Variants in SNTG1 observed in about 807,000 individuals in gnomAD.
SNTG1 encodes the protein syntrophin gamma 1.
A neutral mutation model predicts 74.7 loss-of-function variants in SNTG1; 39 were observed. That is an observed-to-expected ratio of 0.52 (90% CI 0.40 to 0.68). The LOEUF (loss-of-function observed/expected upper bound fraction) is 0.68, where lower values mean the gene tolerates loss of function less well. Among genes scored for constraint, SNTG1 ranks in the 30% least tolerant of loss-of-function variants. SNTG1 has a pLI of 0.00. For synonymous variants in SNTG1, 254 were observed against 217.1 expected, an observed-to-expected ratio of 1.17 and a Z score of -1.49; for missense variants, 685 against 609.5, an observed-to-expected ratio of 1.12 and a Z score of -1.30.
intron 1 of SNTG1, among the ~76,000 whole-genome samples, chr8:49,985,724 G>A (rs1346296616): frequency 6.6e-6 from 1 of 152,088 alleles, no homozygotes; most frequent in Non-Finnish European, 1.5e-5. Context: ...AGAAGGGATG[G>A]TTTTCTTCAG....
intron 1 of SNTG1, among the ~76,000 whole-genome samples, chr8:50,165,922 G>C (rs981502431): frequency 1.3e-5 from 2 of 150,324 alleles, no homozygotes; most frequent in Admixed American, 6.7e-5. Flanking sequence ...CCAAAACAGA[G>C]ATATAGATCA....
At chr8:50,078,644 A>G (rs1415126544) in intron 1 of SNTG1, among the ~76,000 whole-genome samples, 1 of 152,116 alleles carries the variant, frequency 6.6e-6, no homozygotes, top group South Asian at 2.1e-4. Flanking sequence ...TGCTGCACTT[A>G]TCAATCTGTC....
At chr8:50,072,095 C>T (rs1240446968) in intron 1 of SNTG1, among the ~76,000 whole-genome samples, 1 of 152,082 alleles carries the variant, frequency 6.6e-6, no homozygotes, top group Non-Finnish European at 1.5e-5. Context: ...AATTAAATAG[C>T]AGATTACAAT....
At chr8:50,493,625 A>G (rs2131897703) in intron 8 of SNTG1, among the ~76,000 whole-genome samples, 1 of 152,136 alleles carries the variant, frequency 6.6e-6, no homozygotes, top group South Asian at 2.1e-4. Flanking sequence ...TTATAAATCT[A>G]CTGTACAAAT....
At chr8:49,960,003 A>G (rs573982576) in intron 1 of SNTG1, among the ~76,000 whole-genome samples, 1 of 152,330 alleles carries the variant, frequency 6.6e-6, no homozygotes, top group Admixed American at 6.5e-5. Flanking sequence ...AATTAGCGTC[A>G]ACAGTATAAC....
intron 1 of SNTG1, among the ~76,000 whole-genome samples, chr8:49,914,234 A>G (rs1204148424): frequency 6.6e-6 from 1 of 151,816 alleles, no homozygotes; most frequent in African/African-American, 2.4e-5. Flanking sequence ...AAGAAAAATC[A>G]ACATTTTATT....
At chr8:50,455,138 A>G (rs1405858931) in intron 8 of SNTG1, among the ~76,000 whole-genome samples, 1 of 152,224 alleles carries the variant, frequency 6.6e-6, no homozygotes, top group African/African-American at 2.4e-5. Flanking sequence ...AGATTTAACT[A>G]TAGCAGAAAA....
At chr8:50,538,292 A>T (rs940465226) in intron 11 of SNTG1, among the ~76,000 whole-genome samples, 6 of 152,164 alleles carry the variant, frequency 3.9e-5, no homozygotes, top group African/African-American at 1.4e-4. Flanking sequence ...ATCAAATAAG[A>T]TTTTAAAAAC....
At chr8:50,600,180 AG>A (rs2094762084) in intron 13 of SNTG1, among the ~76,000 whole-genome samples, 1 of 151,924 alleles carries the variant, frequency 6.6e-6, no homozygotes, top group South Asian at 2.1e-4. Flanking sequence ...TGATCTTTTT[AG>A]TGTGTTGAAT....
chr8:50,758,148 G>C (rs1185568724), intron 18 of SNTG1, among the ~76,000 whole-genome samples: 1 of 151,348 alleles, frequency 6.6e-6, no homozygotes, highest in Non-Finnish European at 1.5e-5. Context: ...ATTTGTTCTT[G>C]CATGTGGTCT....
chr8:50,573,040 A>G (rs1046331314), intron 12 of SNTG1, among the ~76,000 whole-genome samples: 2 of 152,242 alleles, frequency 1.3e-5, no homozygotes, highest in African/African-American at 4.8e-5. Flanking sequence ...GCTGGAAATT[A>G]AAAAATTGGT....
intron 1 of SNTG1, among the ~76,000 whole-genome samples, chr8:49,992,315 A>G (rs1813765906): frequency 6.6e-6 from 1 of 152,230 alleles, no homozygotes; most frequent in African/African-American, 2.4e-5. Flanking sequence ...CAAGTTCTAC[A>G]GGGACTAACT....
At chr8:49,984,235 T>G (rs1812945438) in intron 1 of SNTG1, among the ~76,000 whole-genome samples, 1 of 152,146 alleles carries the variant, frequency 6.6e-6, no homozygotes, top group African/African-American at 2.4e-5. Flanking sequence ...GACAGAGATT[T>G]ACTCTTGTTG....
chr8:50,441,969 T>C (rs2093361519), intron 5 of SNTG1, among the ~76,000 whole-genome samples: 1 of 152,150 alleles, frequency 6.6e-6, no homozygotes, highest in African/African-American at 2.4e-5. Context: ...TTCTCCATGT[T>C]AATTCTAAAT....
intron 1 of SNTG1, among the ~76,000 whole-genome samples, chr8:50,073,952 C>T (rs187968236): frequency 4.3e-4 from 64 of 149,724 alleles, no homozygotes; most frequent in African/African-American, 1.1e-3. Context: ...TACTAGATTT[C>T]GCATCCTTCT....
intron 2 of SNTG1, among the ~76,000 whole-genome samples, chr8:50,295,380 A>G (rs925552117): frequency 7.9e-5 from 12 of 152,148 alleles, no homozygotes; most frequent in African/African-American, 2.9e-4. Context: ...AAAAATCCAT[A>G]TATGTCTTTA....
At chr8:49,925,882 G>A (rs943353779) in intron 1 of SNTG1, among the ~76,000 whole-genome samples, 1 of 152,134 alleles carries the variant, frequency 6.6e-6, no homozygotes, top group African/African-American at 2.4e-5. Context: ...GAATAAAGGT[G>A]CTATGAATAT....
At chr8:50,165,277 T>G (rs1028201395) in intron 1 of SNTG1, among the ~76,000 whole-genome samples, 1 of 152,198 alleles carries the variant, frequency 6.6e-6, no homozygotes, top group Non-Finnish European at 1.5e-5. Flanking sequence ...TCCAGCAAGT[T>G]GTCAGAGTGA....
At chr8:50,502,709 T>G in intron 8 of SNTG1, 69 bp from the exon 9 acceptor site, 1 of 1,304,438 alleles carries the variant, frequency 7.7e-7, no homozygotes. Context: ...ACCAATAATT[T>G]CAAGGCTTTG....
Sources: allele counts gnomAD v4.1 joint callset (sites outside exome capture counted in the v4.1 genomes callset), GRCh38; gene constraint gnomAD v4.1.1; transcripts MANE v1.5; gene names NCBI Gene and HGNC (gene_info 2026-07-23, HGNC 2026-07-21).